The following CHN1 variants were observed in gnomAD, a reference collection of about 807,000 sequenced individuals.
CHN1 encodes N-chimaerin.
In CHN1, 37 loss-of-function variants were observed where a neutral mutation model predicts 59.5. The observed-to-expected ratio is 0.62, with a 90% confidence interval of 0.48 to 0.82. The LOEUF is 0.82. Ranked by LOEUF, CHN1 falls within the 40% of genes least tolerant of loss-of-function variation. The pLI, the probability that CHN1 is intolerant of heterozygous loss-of-function variation, is 0.00. For synonymous variants in CHN1, 206 were observed against 200.4 expected, an observed-to-expected ratio of 1.03 and a Z score of -0.24; for missense variants, 469 against 571.0, an observed-to-expected ratio of 0.82 and a Z score of 1.82.
chr2:174,988,314 G>A (rs200462392), intron 1 of CHN1, among the ~76,000 whole-genome samples: 13 of 146,680 alleles, frequency 8.9e-5, no homozygotes, highest in East Asian at 2.0e-4. Flanking sequence ...TCGAGATCGC[G>A]CCACTGCACT....
At chr2:174,844,044 G>A (rs1686412174) in intron 7 of CHN1, among the ~76,000 whole-genome samples, 3 of 151,776 alleles carry the variant, frequency 2.0e-5, no homozygotes. Flanking sequence ...GTTGATCCAG[G>A]GGACAATTAC....
chr2:174,963,395 C>T (rs994155677), intron 1 of CHN1, among the ~76,000 whole-genome samples: 1 of 152,014 alleles, frequency 6.6e-6, no homozygotes, highest in African/African-American at 2.4e-5. Flanking sequence ...GAAACACATA[C>T]CAGAAGAGGT....
At chr2:174,832,671 C>A (rs576568569) in intron 7 of CHN1, among the ~76,000 whole-genome samples, 12 of 152,136 alleles carry the variant, frequency 7.9e-5, no homozygotes, top group African/African-American at 2.9e-4. Context: ...GGAGGATATG[C>A]TTTGTATGAC....
intron 3 of CHN1, among the ~76,000 whole-genome samples, chr2:174,922,771 C>A (rs1689051289): frequency 6.6e-6 from 1 of 151,896 alleles, no homozygotes; most frequent in South Asian, 2.1e-4. Context: ...CAATAACTAA[C>A]CTGATTTATA....
At chr2:174,851,670 A>G (rs758213887) in intron 6 of CHN1, among the ~76,000 whole-genome samples, 1 of 152,168 alleles carries the variant, frequency 6.6e-6, no homozygotes, top group Non-Finnish European at 1.5e-5. Context: ...AGATTCCACA[A>G]TCCTCTGTTT....
intron 3 of CHN1, among the ~76,000 whole-genome samples, chr2:174,942,447 G>C (rs1689694270): frequency 6.6e-6 from 1 of 152,000 alleles, no homozygotes; most frequent in Non-Finnish European, 1.5e-5. Flanking sequence ...TCATATGTGG[G>C]AGCTAAATAA....
intron 3 of CHN1, among the ~76,000 whole-genome samples, chr2:174,920,390 C>T (rs549025334): frequency 1.2e-4 from 18 of 152,136 alleles, no homozygotes; most frequent in African/African-American, 4.3e-4. Flanking sequence ...AACTGAGCGT[C>T]GGAGAGATTA....
At chr2:174,892,608 T>C (rs1688087749) in intron 5 of CHN1, among the ~76,000 whole-genome samples, 1 of 152,202 alleles carries the variant, frequency 6.6e-6, no homozygotes, top group African/African-American at 2.4e-5. Flanking sequence ...ATTTCCAAAC[T>C]CATTTTATGA....
rs111289366 is a variant in CHN1 at position 174,862,623 on chromosome 2, G to A, written c.549+15217C>T. On this transcript the variant is annotated intron_variant, in intron 6 of 12. Coordinates refer to ENST00000409900, the MANE Select transcript of CHN1 (RefSeq NM_001822.7). ...TGGGATTACTGGCGTGAGCCACTGC[G>A]CCTGGCCATGATACTGTTTTTAATG... Among the ~76,000 whole-genome samples, 348 of 152,230 alleles carry A rather than the reference G, an allele frequency of 2.3e-3. 1 individual carries two copies. The highest frequency in any genetic ancestry group is 4.4e-3 in the Non-Finnish European group (296 of 68,002).
intron 1 of CHN1, among the ~76,000 whole-genome samples, chr2:174,990,968 C>T (rs147977910): frequency 4.8e-4 from 73 of 152,270 alleles, no homozygotes; most frequent in South Asian, 2.7e-3. Context: ...TTCATCAAAA[C>T]ATTTTTTTCA....
intron 5 of CHN1, among the ~76,000 whole-genome samples, chr2:174,914,540 C>T (rs993498932): frequency 2.6e-5 from 4 of 152,060 alleles, no homozygotes; most frequent in Non-Finnish European, 5.9e-5. Flanking sequence ...AAGCAGCTAC[C>T]GCAAAATGCT....
intron 11 of CHN1, among the ~76,000 whole-genome samples, chr2:174,807,465 T>TGTGTGG (rs1195957407): frequency 1.9e-4 from 24 of 127,548 alleles, no homozygotes; most frequent in South Asian, 4.9e-4. Flanking sequence ...TGTGTGTGTG[T>TGTGTGG]GTGTGTGTGT....
chr2:174,907,305 CAATT>C (rs943759666), intron 5 of CHN1, among the ~76,000 whole-genome samples: 4 of 152,212 alleles, frequency 2.6e-5, no homozygotes, highest in East Asian at 1.9e-4. Context: ...AAAAAAAATT[CAATT>C]GATTATGTTT....
At chr2:174,997,736 T>C (rs2105470628) in intron 1 of CHN1, among the ~76,000 whole-genome samples, 1 of 152,160 alleles carries the variant, frequency 6.6e-6, no homozygotes, top group South Asian at 2.1e-4. Flanking sequence ...AAGTTCTATA[T>C]AAAAGATACA....
At chr2:174,881,119 A>C (rs1393720449) in intron 5 of CHN1, among the ~76,000 whole-genome samples, 2 of 151,944 alleles carry the variant, frequency 1.3e-5, no homozygotes. Flanking sequence ...TCTTGCTCTT[A>C]TGTAGAAAGA....
intron 7 of CHN1, among the ~76,000 whole-genome samples, chr2:174,838,464 T>C (rs562701210): frequency 6.6e-6 from 1 of 152,292 alleles, no homozygotes; most frequent in South Asian, 2.1e-4. Flanking sequence ...AGATGAAGTA[T>C]GATAGCACAT....
chr2:174,994,612 C>T (rs1489767762), intron 1 of CHN1, among the ~76,000 whole-genome samples: 1 of 152,162 alleles, frequency 6.6e-6, no homozygotes, highest in Non-Finnish European at 1.5e-5. Context: ...GTATAGGGCA[C>T]TCTGGATGCA....
intron 6 of CHN1, among the ~76,000 whole-genome samples, chr2:174,863,731 C>G (rs1687132708): frequency 6.6e-6 from 1 of 152,028 alleles, no homozygotes; most frequent in South Asian, 2.1e-4. Context: ...TTTTACTGAG[C>G]AACAGAATCA....
Position 174,856,950 on chromosome 2 carries a change from G to A in CHN1, c.550-9993C>T, listed in dbSNP as rs1259327859. Among the ~76,000 whole-genome samples, 9 of 152,220 alleles carry A rather than the reference G, an allele frequency of 5.9e-5. No homozygotes were observed. The East Asian group carries it at 1.7e-3, about 29-fold the overall frequency. On this transcript the variant is annotated intron_variant, in intron 6 of 12. Coordinates refer to ENST00000409900, the MANE Select transcript of CHN1 (RefSeq NM_001822.7). ...CCAATCAAGTAGGCTCAGAAATGGA[G>A]TTTGTCAGCACTATTCCTTAAGCGG...
Sources: gnomAD v4.1 joint callset for allele counts (sites outside exome capture counted in the v4.1 genomes callset) on GRCh38, gnomAD v4.1.1 for gene constraint, MANE v1.5 for transcripts, NCBI Gene and HGNC (gene_info 2026-07-23, HGNC 2026-07-21) for gene names.